The following NEBL variants were observed in gnomAD, a reference collection of about 807,000 sequenced individuals.
NEBL encodes nebulette, also known as LIM and SH3 protein 2.
NEBL carries 122 observed loss-of-function variants against 140.2 expected under a neutral mutation model. The observed-to-expected ratio is 0.87, with a 90% confidence interval of 0.75 to 1.01. The LOEUF (loss-of-function observed/expected upper bound fraction) is 1.01, where lower values mean the gene tolerates loss of function less well. Ranked by LOEUF, NEBL falls within the 50% of genes least tolerant of loss-of-function variation. The probability of loss-of-function intolerance (pLI) is 0.00; values close to 1 mark genes in which losing one functional copy is unlikely to be tolerated. For synonymous variants in NEBL, 436 were observed against 398.9 expected, an observed-to-expected ratio of 1.09 and a Z score of -1.11; for missense variants, 1,365 against 1,231.3, an observed-to-expected ratio of 1.11 and a Z score of -1.62.
chr10:21,256,132 A>G (rs1243190215), intron 1 of NEBL, among the ~76,000 whole-genome samples: 1 of 151,984 alleles, frequency 6.6e-6, no homozygotes, highest in Non-Finnish European at 1.5e-5. Context: ...CAGTGTCACA[A>G]TCTCAGCTCA....
intron 3 of NEBL, among the ~76,000 whole-genome samples, chr10:20,965,442 T>G (rs1836263244): frequency 6.6e-6 from 1 of 152,128 alleles, no homozygotes; most frequent in Non-Finnish European, 1.5e-5. Context: ...ACAGACTTCT[T>G]CCAGGAGAGC....
At chr10:21,145,020 A>T (rs879922327) in intron 2 of NEBL, among the ~76,000 whole-genome samples, 2 of 152,160 alleles carry the variant, frequency 1.3e-5, no homozygotes, top group Non-Finnish European at 2.9e-5. Context: ...CTAACCACAG[A>T]AGTAAAAATG....
At position 20,828,543 on chromosome 10, in the gene NEBL, TGTTGA is replaced by T. The variant is rs758450195; in HGVS notation, c.1758_1762del (p.Gln587LysfsTer3). ...ATGGCTACTCACCGCACTAATGTTTTGTTGAGTTGTCTTAATTCTCTGAATTTCAG... is the reference window on the plus strand; with the variant it reads ...ATGGCTACTCACCGCACTAATGTTTTGTTGTCTTAATTCTCTGAATTTCAG... On this transcript the variant is annotated frameshift_variant, in exon 17 of 28. Transcript: ENST00000377122. LOFTEE classifies it high-confidence loss of function. 3.8e-6 allele frequency: 6 copies of T among 1,582,110 alleles called. No individual in the cohort carries two copies. The Admixed American group carries it at 5.0e-5, about 13-fold the overall frequency.
rs193283814 is a variant in NEBL, at chr10:20,799,396, T to C, written c.2761+9114A>G. Among the ~76,000 whole-genome samples, 633 of 152,276 alleles carry C rather than the reference T, an allele frequency of 4.2e-3. 2 individuals carry two copies. The highest frequency in any genetic ancestry group is 7.1e-3 in the Non-Finnish European group (485 of 68,022). On this transcript the variant is annotated intron_variant, in intron 26 of 27. Coordinates refer to ENST00000377122, the MANE Select transcript of NEBL (RefSeq NM_006393.3). ...GTCTTGAACTCCTGGACTCTAGTGA[T>C]CCACCCACCTCCGCTTCCCAAAGTG...
intron 2 of NEBL, among the ~76,000 whole-genome samples, chr10:21,038,877 T>C (rs1429258511): frequency 6.6e-6 from 1 of 152,126 alleles, no homozygotes; most frequent in Non-Finnish European, 1.5e-5. Context: ...GCATCTGTTG[T>C]TTCCAGACTT....
intron 3 of NEBL, among the ~76,000 whole-genome samples, chr10:21,191,311 C>G (rs1429692600): frequency 1.3e-5 from 2 of 152,162 alleles, no homozygotes; most frequent in Non-Finnish European, 2.9e-5. Context: ...ATTATGATAA[C>G]CCCATTTTAT....
chr10:21,282,918 A>G (rs892158235), intron 1 of NEBL, among the ~76,000 whole-genome samples: 16 of 152,162 alleles, frequency 1.1e-4, no homozygotes, highest in African/African-American at 3.9e-4. Context: ...TGAGGTTAAG[A>G]GTTCGAGACC....
chr10:20,808,174 A>T (rs1030878972), intron 26 of NEBL, among the ~76,000 whole-genome samples: 8 of 152,076 alleles, frequency 5.3e-5, no homozygotes, highest in African/African-American at 1.9e-4. Context: ...GCAGAACTCA[A>T]GTTTCTCCTA....
At chr10:21,139,242 G>C (rs1345036204) in intron 2 of NEBL, among the ~76,000 whole-genome samples, 1 of 152,176 alleles carries the variant, frequency 6.6e-6, no homozygotes, top group Non-Finnish European at 1.5e-5. Context: ...GAAGAAATTA[G>C]AGAAGGGCAT....
At chr10:20,855,666 T>G (rs1261627059) in intron 9 of NEBL, among the ~76,000 whole-genome samples, 2 of 152,160 alleles carry the variant, frequency 1.3e-5, no homozygotes, top group Non-Finnish European at 2.9e-5. Context: ...TCTTAATTTA[T>G]GTAAAGTTGT....
At position 21,147,398 on chromosome 10, in the gene NEBL, T is replaced by A. The variant is rs2132117652; in HGVS notation, c.164+24985A>T. On this transcript the variant is annotated intron_variant, in intron 2 of 6. Coordinates refer to the NEBL transcript ENST00000417816. ...TCTCTGACCCTGTTTCTCCTCCGGT[T>A]TTTTTTTTTTTTTTTTTAGACAAAC... Among the ~76,000 whole-genome samples, 3 of 144,908 alleles carry A rather than the reference T, an allele frequency of 2.1e-5. No homozygotes were observed. The South Asian group carries it at 6.6e-4, about 32-fold the overall frequency.
intron 2 of NEBL, among the ~76,000 whole-genome samples, chr10:21,154,874 G>A (rs1213667764): frequency 6.6e-6 from 1 of 152,192 alleles, no homozygotes; most frequent in African/African-American, 2.4e-5. Flanking sequence ...TGGGGCACAT[G>A]AGATGTTTTG....
intron 2 of NEBL, among the ~76,000 whole-genome samples, chr10:21,060,927 C>A (rs999730596): frequency 2.0e-5 from 3 of 152,066 alleles, no homozygotes; most frequent in African/African-American, 7.2e-5. Flanking sequence ...TGCCATGCTC[C>A]TTTGGTTCTC....
At chr10:21,046,971 TG>T (rs923422090) in intron 2 of NEBL, among the ~76,000 whole-genome samples, 13 of 152,148 alleles carry the variant, frequency 8.5e-5, no homozygotes, top group Non-Finnish European at 4.4e-5. Context: ...CCATTTTGGA[TG>T]GGGAAAAAAA....
intron 2 of NEBL, among the ~76,000 whole-genome samples, chr10:21,120,831 G>A (rs148104273): frequency 2.0e-5 from 3 of 152,082 alleles, no homozygotes; most frequent in East Asian, 1.9e-4. Flanking sequence ...ACTCTGCGTC[G>A]GCTGCTATGA....
chr10:20,905,257 G>T (rs1848041752), intron 4 of NEBL, among the ~76,000 whole-genome samples: 1 of 152,180 alleles, frequency 6.6e-6, no homozygotes, highest in Non-Finnish European at 1.5e-5. Flanking sequence ...ATAGCAAGAA[G>T]ATTTAGCAGA....
chr10:20,793,616 C>G (rs1005522278), intron 26 of NEBL, among the ~76,000 whole-genome samples: 4 of 151,368 alleles, frequency 2.6e-5, no homozygotes, highest in Non-Finnish European at 4.4e-5. Context: ...TGCAGTGATG[C>G]CATCTCAGCT....
chr10:21,233,198 C>CT lies in NEBL; in HGVS notation n.348+14722dup, dbSNP rs551987446. On this transcript the variant is annotated intron_variant and non_coding_transcript_variant, in intron 3 of 8. Coordinates refer to the NEBL transcript ENST00000675702. ...ACCTCAGCCTTCTGTGTAGCTGGGA[C>CT]TACAGGCACTCGCTAAATTTTGTAT... 3.2e-4 allele frequency among the ~76,000 whole-genome samples: 49 copies of CT among 152,254 alleles called. 1 individual carries two copies. The East Asian group carries it at 7.9e-3, about 25-fold the overall frequency.
At chr10:20,936,391 C>G (rs922908315) in intron 4 of NEBL, among the ~76,000 whole-genome samples, 3 of 152,124 alleles carry the variant, frequency 2.0e-5, no homozygotes, top group African/African-American at 7.2e-5. Context: ...GCTGTTTATG[C>G]CTAACAGGCT....
Sources: allele counts gnomAD v4.1 joint callset (sites outside exome capture counted in the v4.1 genomes callset), GRCh38; gene constraint gnomAD v4.1.1; transcripts MANE v1.5; gene names NCBI Gene and HGNC (gene_info 2026-07-23, HGNC 2026-07-21).